The following GAD1 variants were observed in gnomAD, a reference collection of about 807,000 sequenced individuals.
GAD1 encodes the protein 67 kDa glutamic acid decarboxylase.
GAD1 carries 35 observed loss-of-function variants against 75.2 expected under a neutral mutation model. That is an observed-to-expected ratio of 0.47 (90% CI 0.36 to 0.62). The LOEUF is 0.62. Among genes scored for constraint, GAD1 ranks in the 20% least tolerant of loss-of-function variants. The pLI, the probability that GAD1 is intolerant of heterozygous loss-of-function variation, is 0.00. For missense variants in GAD1, 490 were observed against 758.5 expected, an observed-to-expected ratio of 0.65 and a Z score of 4.16; for synonymous variants, 257 against 271.9, an observed-to-expected ratio of 0.95 and a Z score of 0.54.
chr2:170,832,662 G>GCACACACACACACACACACA (rs1275912956), intron 5 of GAD1, among the ~76,000 whole-genome samples: 3 of 128,458 alleles, frequency 2.3e-5, no homozygotes, highest in South Asian at 2.5e-4. Context: ...GCGCGCGCGC[G>GCACACACACACACACACACA]CGCACACACA....
At chr2:170,813,886 GGA>G (rs1236826549), upstream of GAD1, among the ~76,000 whole-genome samples, 4 of 152,158 alleles carry the variant, frequency 2.6e-5, no homozygotes, top group African/African-American at 4.8e-5. Context: ...CCCTAATGCC[GGA>G]GAGAGACTGG....
intron 16 of GAD1, 142 bp downstream of exon 16, chr2:170,859,035 G>A: frequency 2.6e-6 from 2 of 757,066 alleles, no homozygotes; most frequent in Non-Finnish European, 4.6e-6. Flanking sequence ...GGGTGGTGGG[G>A]AGCCATCCTG....
intron 6 of GAD1, among the ~76,000 whole-genome samples, chr2:170,839,956 G>A (rs1376523899): frequency 6.6e-6 from 1 of 152,176 alleles, no homozygotes; most frequent in South Asian, 2.1e-4. Context: ...TTCTCTATGG[G>A]AGTTATTCAT....
chr2:170,854,052 C>A lies in GAD1; in HGVS notation c.1413+30C>A, dbSNP rs768255705. 5 of 1,613,584 alleles carry A rather than the reference C, an allele frequency of 3.1e-6. No individual in the cohort carries two copies. In the South Asian group the frequency reaches 4.4e-5, roughly 14 times the overall value. On this transcript the variant is annotated intron_variant, in intron 14 of 16. Transcript: ENST00000358196. Reference sequence around the variant, plus strand: ...GAAGGGAATAGTTCAGGAAATAGAGCAGAAATGTAATTTGCACAGACTGGC... The same window carrying A: ...GAAGGGAATAGTTCAGGAAATAGAGAAGAAATGTAATTTGCACAGACTGGC...
At chr2:170,827,883 T>G (rs2105768822) in intron 3 of GAD1, among the ~76,000 whole-genome samples, 1 of 152,212 alleles carries the variant, frequency 6.6e-6, no homozygotes, top group East Asian at 1.9e-4. Flanking sequence ...TGTCTCACAG[T>G]ACCTTCATTC....
At chr2:170,822,850 A>C (rs989838486) in intron 3 of GAD1, among the ~76,000 whole-genome samples, 1 of 152,208 alleles carries the variant, frequency 6.6e-6, no homozygotes, top group Admixed American at 6.5e-5. Flanking sequence ...GGGAAGGGAA[A>C]GGGGACGAGC....
chr2:170,857,340 C>T (rs969630257), intron 15 of GAD1, among the ~76,000 whole-genome samples: 1 of 152,112 alleles, frequency 6.6e-6, no homozygotes, highest in African/African-American at 2.4e-5. Context: ...TCCTTTACAT[C>T]TTTTAAAACT....
chr2:170,815,067 G>T (rs769699521), upstream of GAD1, among the ~76,000 whole-genome samples: 1 of 152,166 alleles, frequency 6.6e-6, no homozygotes, highest in Non-Finnish European at 1.5e-5. Context: ...TTTAGCACTG[G>T]CACCTGGCTC....
chr2:170,855,258 G>A (rs567818346), intron 14 of GAD1, among the ~76,000 whole-genome samples: 1 of 149,688 alleles, frequency 6.7e-6, no homozygotes, highest in Non-Finnish European at 1.5e-5. Flanking sequence ...GCCCAGGCTG[G>A]AGTTCAGAGG....
rs950327224 is a variant in GAD1, at chr2:170,832,729, C to T, written c.547+1537C>T. On this transcript the variant is annotated intron_variant, in intron 5 of 16. Transcript: ENST00000358196. Reference sequence around the variant, plus strand: ...ATGCCTTCTCATTCTACTGCAACTTCTGGAACTTAGGACACTCTGAGTCAC... The same window carrying T: ...ATGCCTTCTCATTCTACTGCAACTTTTGGAACTTAGGACACTCTGAGTCAC... Among the ~76,000 whole-genome samples, 15 of 151,948 alleles carry T rather than the reference C, an allele frequency of 9.9e-5. No individual in the cohort carries two copies. In the South Asian group the frequency reaches 1.0e-3, roughly 11 times the overall value.
At chr2:170,841,694 T>C (rs1236470621) in intron 6 of GAD1, among the ~76,000 whole-genome samples, 1 of 152,178 alleles carries the variant, frequency 6.6e-6, no homozygotes, top group Non-Finnish European at 1.5e-5. Context: ...AAGAACACCA[T>C]GTCAGCCCAT....
upstream of GAD1, among the ~76,000 whole-genome samples, chr2:170,815,119 G>A (rs1195632538): frequency 1.3e-5 from 2 of 152,158 alleles, no homozygotes; most frequent in African/African-American, 4.8e-5. Context: ...GGCTCTAGGA[G>A]GGCCGGTGGA....
intron 3 of GAD1, among the ~76,000 whole-genome samples, chr2:170,827,094 A>G (rs1702043487): frequency 6.6e-6 from 1 of 152,070 alleles, no homozygotes; most frequent in Non-Finnish European, 1.5e-5. Flanking sequence ...AGCAACAAAA[A>G]GCTTGGTGGC....
rs763792054 is a variant in GAD1, at chr2:170,852,708, T to C, written c.1185-6T>C. 1.2e-6 allele frequency: 2 copies of C among 1,614,070 alleles called. No individual in the cohort carries two copies. Among genetic ancestry groups the C allele is most frequent in the South Asian group, 2.2e-5 (2 of 91,076 alleles). Reference sequence around the variant, plus strand: ...ACCTTCTCGAAGTCTCATGTGCTTCTTTCAGGGCCAACTCAGTCACCTGGA... The same window carrying C: ...ACCTTCTCGAAGTCTCATGTGCTTCCTTCAGGGCCAACTCAGTCACCTGGA... On this transcript the variant is annotated splice_region_variant and splice_polypyrimidine_tract_variant and intron_variant, in intron 12 of 16. Transcript: ENST00000358196.
chr2:170,845,458 A>G (rs775137917), intron 7 of GAD1, 48 bp from the exon 8 acceptor site: 1 of 1,532,616 alleles, frequency 6.5e-7, no homozygotes, highest in South Asian at 1.1e-5. Context: ...TTTTAGAAAC[A>G]ATAATCAAAG....
At position 170,859,978 on chromosome 2, in the gene GAD1, A is replaced by G. The variant is rs1302557644; in HGVS notation, c.*96A>G. 1 of 1,078,376 alleles carries G rather than the reference A, an allele frequency of 9.3e-7. No homozygotes were observed. The highest frequency in any genetic ancestry group is 1.6e-5 in the African/African-American group (1 of 64,324). 66.8% of individuals were successfully genotyped at this position (1,078,376 alleles called of 1,614,324 possible). A position where few individuals can be genotyped will look rare whatever the true frequency, so the allele number is the denominator to read the frequency against. ...GTTGCTGAAACACACAGGCCATTTC[A>G]TTGAGGGAAAACATAATATCTTGAA... On this transcript the variant is annotated 3_prime_UTR_variant, in exon 17 of 17. Transcript: ENST00000358196.
At chr2:170,857,898 C>T (rs965272828) in intron 15 of GAD1, among the ~76,000 whole-genome samples, 2 of 152,162 alleles carry the variant, frequency 1.3e-5, no homozygotes, top group African/African-American at 4.8e-5. Context: ...GGAGCTTACA[C>T]TTGAATAAAG....
At chr2:170,845,269 G>GA (rs1367659969) in intron 7 of GAD1, 3 of 581,960 alleles carry the variant, frequency 5.2e-6, no homozygotes, top group Non-Finnish European at 9.3e-6. Flanking sequence ...TGAAGTACAC[G>GA]AATCACCTCC....
At chr2:170,821,871 T>G in intron 2 of GAD1, 2 of 569,502 alleles carry the variant, frequency 3.5e-6, no homozygotes, top group Non-Finnish European at 3.2e-6. Flanking sequence ...CACCGTTCCA[T>G]ATTTGAAGCC....
Sources: allele counts gnomAD v4.1 joint callset (sites outside exome capture counted in the v4.1 genomes callset), GRCh38; gene constraint gnomAD v4.1.1; transcripts MANE v1.5; gene names NCBI Gene and HGNC (gene_info 2026-07-23, HGNC 2026-07-21).